Variants in LRRC1 observed in about 807,000 individuals in gnomAD.
The protein encoded by LRRC1 is leucine-rich repeat-containing protein 1.
A neutral mutation model predicts 69.9 loss-of-function variants in LRRC1; 28 were observed. That is an observed-to-expected ratio of 0.40 (90% CI 0.30 to 0.55). The LOEUF is 0.55. LRRC1 is among the 20% of genes least tolerant of loss of function. The pLI is 0.47. For synonymous variants in LRRC1, 236 were observed against 240.2 expected, an observed-to-expected ratio of 0.98 and a Z score of 0.16; for missense variants, 498 against 609.0, an observed-to-expected ratio of 0.82 and a Z score of 1.92.
At chr6:53,878,500 A>AACCT (rs1222737016) in intron 2 of LRRC1, among the ~76,000 whole-genome samples, 1 of 152,196 alleles carries the variant, frequency 6.6e-6, no homozygotes, top group Non-Finnish European at 1.5e-5. Context: ...AGGAGCACAC[A>AACCT]ACCTAGATCC....
At chr6:53,876,759 C>G (rs147999937) in intron 2 of LRRC1, among the ~76,000 whole-genome samples, 21 of 152,336 alleles carry the variant, frequency 1.4e-4, no homozygotes, top group African/African-American at 5.1e-4. Context: ...TATGTTCCCA[C>G]GGTCTTGGAC....
At chr6:53,874,250 ATGTT>A (rs1766992436) in intron 2 of LRRC1, among the ~76,000 whole-genome samples, 1 of 152,134 alleles carries the variant, frequency 6.6e-6, no homozygotes, top group African/African-American at 2.4e-5. Context: ...AAATAAGATA[ATGTT>A]TATAAAAGGG....
chr6:53,829,227 G>T (rs4591854), intron 1 of LRRC1, among the ~76,000 whole-genome samples: 125,885 of 152,118 alleles, frequency 0.83, 52,274 homozygotes, highest in East Asian at 0.92. Flanking sequence ...GACCCAGGCA[G>T]GTAATCTCTC....
intron 1 of LRRC1, among the ~76,000 whole-genome samples, chr6:53,825,525 A>T (rs562848177): frequency 6.6e-6 from 1 of 152,302 alleles, no homozygotes; most frequent in South Asian, 2.1e-4. Flanking sequence ...TTTTATAAAC[A>T]TTATAAGTGT....
rs762275116 is a variant in LRRC1 at position 53,896,479 on chromosome 6, T to C, written c.447-19T>C. 8 of 1,607,004 alleles carry C rather than the reference T, an allele frequency of 5.0e-6. No individual in the cohort carries two copies. Among genetic ancestry groups the C allele is most frequent in the Non-Finnish European group, 6.0e-6 (7 of 1,174,100 alleles). On this transcript the variant is annotated intron_variant, in intron 4 of 13. Transcript: ENST00000370888. Reference sequence around the variant, plus strand: ...CAGGAATTTCTCTTATGCTTTTTTTTCCTTCTGTTCATTTCTAGTCTTTAT... The same window carrying C: ...CAGGAATTTCTCTTATGCTTTTTTTCCCTTCTGTTCATTTCTAGTCTTTAT...
chr6:53,898,344 T>C (rs1406659283), intron 7 of LRRC1, among the ~76,000 whole-genome samples: 1 of 152,208 alleles, frequency 6.6e-6, no homozygotes, highest in Non-Finnish European at 1.5e-5. Context: ...ATGTGGGAAA[T>C]CCTGGTTGAA....
chr6:53,874,262 G>C (rs1278309650), intron 2 of LRRC1, among the ~76,000 whole-genome samples: 1 of 152,004 alleles, frequency 6.6e-6, no homozygotes, highest in African/African-American at 2.4e-5. Context: ...GTTTATAAAA[G>C]GGCTACAGCC....
intron 1 of LRRC1, among the ~76,000 whole-genome samples, chr6:53,838,537 G>A (rs1765676216): frequency 6.6e-6 from 1 of 152,170 alleles, no homozygotes; most frequent in Admixed American, 6.5e-5. Flanking sequence ...GGGTTTTGTA[G>A]TTTTGCTATT....
chr6:53,880,280 A>T (rs1767245755), intron 3 of LRRC1, among the ~76,000 whole-genome samples: 1 of 152,188 alleles, frequency 6.6e-6, no homozygotes, highest in African/African-American at 2.4e-5. Context: ...GAAAAATAGT[A>T]ATCTAGTAAG....
chr6:53,857,875 T>G (rs560298250), intron 2 of LRRC1, among the ~76,000 whole-genome samples: 1 of 152,348 alleles, frequency 6.6e-6, no homozygotes, highest in East Asian at 1.9e-4. Flanking sequence ...CTGCTGGATC[T>G]GCCAGTTCTA....
At chr6:53,859,379 G>A (rs1766422346) in intron 2 of LRRC1, among the ~76,000 whole-genome samples, 1 of 152,108 alleles carries the variant, frequency 6.6e-6, no homozygotes, top group Admixed American at 6.6e-5. Context: ...AATTTCCAGA[G>A]CAGGAACCCA....
At chr6:53,880,243 A>T (rs1420386180) in intron 3 of LRRC1, among the ~76,000 whole-genome samples, 1 of 152,104 alleles carries the variant, frequency 6.6e-6, no homozygotes, top group African/African-American at 2.4e-5. Context: ...AATTGTAGTG[A>T]TTAAGTTGCA....
Position 53,865,628 on chromosome 6 carries a change from G to C in LRRC1, c.278-13365G>C, listed in dbSNP as rs1411908020. Among the ~76,000 whole-genome samples, 5 of 152,154 alleles carry C rather than the reference G, an allele frequency of 3.3e-5. No homozygotes were observed. In the South Asian group the frequency reaches 1.0e-3, roughly 32 times the overall value. On this transcript the variant is annotated intron_variant, in intron 2 of 13. Transcript: ENST00000370888. ...TTTAACATCAGCGATGTGGCAGTGA[G>C]GGTACTGTCTTCAAATTCTTGATTG...
chr6:53,884,182 G>T (rs759282514), intron 4 of LRRC1: 84 of 584,136 alleles, frequency 1.4e-4, no homozygotes, highest in Admixed American at 6.2e-4. Flanking sequence ...ATTCACTTTT[G>T]CTGTATCAAG....
intron 1 of LRRC1, among the ~76,000 whole-genome samples, chr6:53,820,268 G>T (rs1765080196): frequency 6.6e-6 from 1 of 151,768 alleles, no homozygotes; most frequent in Non-Finnish European, 1.5e-5. Flanking sequence ...TCTGCCATTT[G>T]CTAGCTGTAT....
intron 2 of LRRC1, among the ~76,000 whole-genome samples, chr6:53,853,572 A>G (rs757264431): frequency 1.1e-4 from 16 of 152,192 alleles, no homozygotes; most frequent in Non-Finnish European, 1.8e-4. Flanking sequence ...GGTGTGAGCC[A>G]CTGCACCCAG....
chr6:53,913,946 T>A lies in LRRC1; in HGVS notation c.1083T>A (p.His361Gln). ...AGGTGTCACAGGCAACAGAACTTCA[T>A]GTCCTGGATGTGGCAGGGAACAGGT... ...PAEVSQATEL[H>Q]VLDVAGNRLL... The change falls in exon 11 of 14, where the codon CAT (histidine) becomes CAA (glutamine). Residue 361 changes from histidine to glutamine, a missense_variant. Around this residue, in one of 3 missense-constraint regions of LRRC1, gnomAD observed 266 missense variants for 383.9 expected, o/e 0.69. Transcript: ENST00000370888. The A allele has an allele frequency of 6.2e-7, 1 of 1,611,818 alleles. No individual in the cohort carries two copies. Among genetic ancestry groups the A allele is most frequent in the Non-Finnish European group, 8.5e-7 (1 of 1,178,102 alleles).
chr6:53,909,994 G>C (rs1768359813), intron 10 of LRRC1, among the ~76,000 whole-genome samples: 1 of 152,156 alleles, frequency 6.6e-6, no homozygotes, highest in Non-Finnish European at 1.5e-5. Flanking sequence ...TCTGTCTCAT[G>C]ATCTCCTCCT....
chr6:53,858,135 T>G (rs6458969), intron 2 of LRRC1, among the ~76,000 whole-genome samples: 135,564 of 152,190 alleles, frequency 0.89, 60,679 homozygotes, highest in African/African-American at 0.98. Flanking sequence ...ACCAGGGTGG[T>G]CTCTGGCCAT....
Sources: gnomAD v4.1 joint callset for allele counts (sites outside exome capture counted in the v4.1 genomes callset) on GRCh38, gnomAD v4.1.1 for gene constraint, gnomAD v4.1.1 regional missense constraint, MANE v1.5 for transcripts, NCBI Gene and HGNC (gene_info 2026-07-23, HGNC 2026-07-21) for gene names.